DNAH9: variants seen among roughly 807,000 people sequenced by gnomAD.
DNAH9 encodes the protein dynein axonemal heavy chain 9.
DNAH9 carries 345 observed loss-of-function variants against 471.6 expected under a neutral mutation model. That is an observed-to-expected ratio of 0.73 (90% CI 0.67 to 0.80). DNAH9 has a LOEUF of 0.80. Among genes scored for constraint, DNAH9 ranks in the 30% least tolerant of loss-of-function variants. The probability of loss-of-function intolerance (pLI) is 0.00; values close to 1 mark genes in which losing one functional copy is unlikely to be tolerated. For synonymous variants in DNAH9, 2,093 were observed against 2,123.6 expected (o/e 0.99, Z 0.40); for missense variants, 5,407 against 5,609.2 (o/e 0.96, Z 1.15).
chr17:11,679,939 A>T lies in DNAH9; in HGVS notation c.3536A>T (p.Tyr1179Phe). The T allele has an allele frequency of 6.2e-7, 1 of 1,614,126 alleles. No homozygotes were observed. The highest frequency in any genetic ancestry group is 1.1e-5 in the South Asian group (1 of 91,078). Residue 1179 changes from tyrosine (Y) to phenylalanine (F), a missense_variant, in exon 18 of 69, where the codon TAT becomes TTT. By Grantham distance (22) the Tyr-to-Phe change is conservative. This residue lies in a region of DNAH9 where 4,636 missense variants were observed against 4,900.3 expected (regional missense o/e 0.95). Coordinates refer to ENST00000262442, the MANE Select transcript of DNAH9 (RefSeq NM_001372.4). ...LKQTIELLKT[Y>F]EQELPETVFK... ...CAGACTATTGAATTGCTGAAGACCT[A>T]TGAACAAGAATTGCCAGAAACAGTG...
rs148084124 is a variant in DNAH9 at position 11,723,730 on chromosome 17, C to T, written c.5710-4088C>T. On this transcript the variant is annotated intron_variant, in intron 27 of 68. Coordinates refer to ENST00000262442, the MANE Select transcript of DNAH9 (RefSeq NM_001372.4). ...TCCCCTAGGCTGGAGTGCAGTGGCA[C>T]GATCTCAGCTCACTGCAAGCTCCAC... Among the ~76,000 whole-genome samples, 23 of 152,018 alleles carry T rather than the reference C, an allele frequency of 1.5e-4. No homozygotes were observed. In the East Asian group the frequency reaches 3.3e-3, roughly 22 times the overall value.
intron 14 of DNAH9, among the ~76,000 whole-genome samples, chr17:11,655,871 G>A (rs933443210): frequency 2.7e-5 from 4 of 148,920 alleles, no homozygotes; most frequent in African/African-American, 1.0e-4. Flanking sequence ...AGGAAAGGGT[G>A]GGATATATAT....
At chr17:11,899,744 G>A (rs1973342594) in intron 59 of DNAH9, among the ~76,000 whole-genome samples, 1 of 152,180 alleles carries the variant, frequency 6.6e-6, no homozygotes, top group Non-Finnish European at 1.5e-5. Context: ...CCTGAAAGAA[G>A]ATGAAAGTCA....
At position 11,830,477 on chromosome 17, in the gene DNAH9, C is replaced by T. The variant is rs149766490; in HGVS notation, c.9247-4161C>T. Among the ~76,000 whole-genome samples, 21 of 152,290 alleles carry T rather than the reference C, an allele frequency of 1.4e-4. No homozygotes were observed. In the East Asian group the frequency reaches 4.0e-3, roughly 29 times the overall value. ...AAATAGTCTCAGGTCATCAAACTTA[C>T]TGAAGTTGACAGTTTCATAATTCAT... On this transcript the variant is annotated intron_variant, in intron 48 of 68. Coordinates refer to ENST00000262442, the MANE Select transcript of DNAH9 (RefSeq NM_001372.4).
chr17:11,941,740 T>TAGG (rs1567565671), intron 66 of DNAH9, among the ~76,000 whole-genome samples: 1 of 146,716 alleles, frequency 6.8e-6, no homozygotes, highest in African/African-American at 2.5e-5. Context: ...AGATAGATAG[T>TAGG]GATAGATTAG....
At chr17:11,835,437 G>A (rs942150703) in intron 49 of DNAH9, among the ~76,000 whole-genome samples, 1 of 152,094 alleles carries the variant, frequency 6.6e-6, no homozygotes, top group African/African-American at 2.4e-5. Context: ...TAATTAAGTG[G>A]CAACCACATA....
At chr17:11,955,576 A>C (rs554234458) in intron 67 of DNAH9, among the ~76,000 whole-genome samples, 1 of 152,332 alleles carries the variant, frequency 6.6e-6, no homozygotes, top group Admixed American at 6.5e-5. Flanking sequence ...AGAAGGACTC[A>C]TGAGTTTCAG....
intron 45 of DNAH9, among the ~76,000 whole-genome samples, chr17:11,813,322 C>CT (rs1007605968): frequency 1.3e-5 from 2 of 152,042 alleles, no homozygotes; most frequent in Non-Finnish European, 2.9e-5. Context: ...AACCCACCCC[C>CT]TTTTTTTCTT....
At chr17:11,740,653 C>A (rs1447202704) in intron 29 of DNAH9, among the ~76,000 whole-genome samples, 1 of 152,156 alleles carries the variant, frequency 6.6e-6, no homozygotes, top group Non-Finnish European at 1.5e-5. Context: ...GTACAAACAT[C>A]TACTTTTACA....
chr17:11,690,472 C>T (rs1751995261), intron 20 of DNAH9, 36 bp downstream of exon 20: 1 of 1,588,326 alleles, frequency 6.3e-7, no homozygotes, highest in African/African-American at 1.3e-5. Flanking sequence ...TCTCTATTCT[C>T]TGATCCAGGG....
At chr17:11,711,696 A>G (rs1303272879) in intron 26 of DNAH9, among the ~76,000 whole-genome samples, 2 of 150,976 alleles carry the variant, frequency 1.3e-5, no homozygotes, top group East Asian at 3.9e-4. Context: ...ATGCCTTAAT[A>G]CTTTCAACTT....
intron 54 of DNAH9, among the ~76,000 whole-genome samples, 193 bp downstream of exon 54, chr17:11,880,393 T>C (rs953908071): frequency 6.6e-6 from 1 of 152,208 alleles, no homozygotes. Flanking sequence ...GAAAGTTTCC[T>C]GGAGAAACTT....
At chr17:11,899,183 T>TAAA (rs3842381) in intron 59 of DNAH9, among the ~76,000 whole-genome samples, 30,876 of 151,042 alleles carry the variant, frequency 0.2, 3,538 homozygotes, top group Admixed American at 0.31. Flanking sequence ...CATGATTTTT[T>TAAA]AAAAAAAAAA....
At chr17:11,769,906 C>G (rs1229895229) in intron 38 of DNAH9, among the ~76,000 whole-genome samples, 1 of 152,226 alleles carries the variant, frequency 6.6e-6, no homozygotes, top group Non-Finnish European at 1.5e-5. Flanking sequence ...CTCCCCTTAA[C>G]TCATTTACGA....
chr17:11,933,783 C>G (rs1219239209), intron 64 of DNAH9, 97 bp from the exon 65 acceptor site: 11 of 1,112,026 alleles, frequency 9.9e-6, no homozygotes, highest in Non-Finnish European at 1.3e-5. Context: ...AAGCGTCCCT[C>G]TCTTGTGGCT....
Position 11,868,873 on chromosome 17 carries a change from C to G in DNAH9, c.9934-261C>G, listed in dbSNP as rs118108823. Among the ~76,000 whole-genome samples, 10 of 152,230 alleles carry G rather than the reference C, an allele frequency of 6.6e-5. No homozygotes were observed. In the East Asian group the frequency reaches 1.9e-3, roughly 29 times the overall value. ...GTGGTGGGGTATGAAGCTCAGCTCTCTCATCTTGGAGTAGGACATTTCTGG... is the reference window on the plus strand; with the variant it reads ...GTGGTGGGGTATGAAGCTCAGCTCTGTCATCTTGGAGTAGGACATTTCTGG... On this transcript the variant is annotated intron_variant, in intron 50 of 68. Coordinates refer to ENST00000262442, the MANE Select transcript of DNAH9 (RefSeq NM_001372.4).
chr17:11,863,752 G>C (rs1971941913), intron 50 of DNAH9, among the ~76,000 whole-genome samples: 1 of 150,312 alleles, frequency 6.7e-6, no homozygotes, highest in Non-Finnish European at 1.5e-5. Context: ...AGTCTTGGGA[G>C]AGTGTATGTG....
At chr17:11,680,347 G>T (rs1273539501) in intron 18 of DNAH9, among the ~76,000 whole-genome samples, 1 of 152,064 alleles carries the variant, frequency 6.6e-6, no homozygotes, top group East Asian at 1.9e-4. Flanking sequence ...AAAAGGGAAG[G>T]GGTTAATGTA....
rs1055067254 is a variant in DNAH9 at position 11,821,824 on chromosome 17, A to G, written c.8708-96A>G. ...AGAGTTGGTACATGGCCTAAAAACC[A>G]CTGACCTGTGTCCTAAGGTAGGATA... is the stretch of plus-strand genomic sequence containing the variant. On this transcript the variant is annotated intron_variant, in intron 45 of 68. Transcript: ENST00000262442. 3 of 1,419,870 alleles carry G rather than the reference A, an allele frequency of 2.1e-6. No homozygotes were observed. In the African/African-American group the frequency reaches 4.3e-5, roughly 20 times the overall value. The allele number at this position is 1,419,870 out of a possible 1,614,324, so 88.0% of individuals were successfully genotyped here.
Sources: gnomAD v4.1 joint callset for allele counts (sites outside exome capture counted in the v4.1 genomes callset) on GRCh38, gnomAD v4.1.1 for gene constraint, gnomAD v4.1.1 regional missense constraint, MANE v1.5 for transcripts, NCBI Gene and HGNC (gene_info 2026-07-23, HGNC 2026-07-21) for gene names.